C7orf78: variants seen among roughly 807,000 people sequenced by gnomAD.
C7orf78 encodes chromosome 7 open reading frame 78, also known as putative uncharacterized protein C7orf78.
At chr7:12,537,840 T>C in the C7orf78 span, among the ~76,000 whole-genome samples, 7 of 152,146 alleles carry the variant, frequency 4.6e-5, no homozygotes, top group African/African-American at 1.7e-4. Context: ...ATGCAAGCAA[T>C]AGGGATGAGT....
At chr7:12,501,560 C>T in the C7orf78 span, among the ~76,000 whole-genome samples, 506 of 141,340 alleles carry the variant, frequency 3.6e-3, 20 homozygotes, top group East Asian at 0.08. Context: ...AACTACAAAC[C>T]ACTGCTCAAG....
the C7orf78 span, among the ~76,000 whole-genome samples, chr7:12,494,149 G>T: frequency 2.6e-4 from 40 of 152,272 alleles, no homozygotes; most frequent in Non-Finnish European, 2.5e-4. Context: ...CTTAGGGTGG[G>T]AGTGGAGGAA....
the C7orf78 span, among the ~76,000 whole-genome samples, chr7:12,503,652 ACAG>A: frequency 3.9e-5 from 6 of 152,132 alleles, no homozygotes; most frequent in South Asian, 4.1e-4. Context: ...GTACATGTGC[ACAG>A]CGTGCAGGTT....
At chr7:12,492,728 T>C in the C7orf78 span, among the ~76,000 whole-genome samples, 1 of 152,224 alleles carries the variant, frequency 6.6e-6, no homozygotes. Flanking sequence ...CTAAGAATTT[T>C]GTCTGGAGTA....
chr7:12,499,574 A>G, the C7orf78 span, among the ~76,000 whole-genome samples: 10 of 149,712 alleles, frequency 6.7e-5, no homozygotes, highest in African/African-American at 1.5e-4. Flanking sequence ...ACCCAGATTC[A>G]TAAAGCAAGT....
At chr7:12,520,726 C>T in the C7orf78 span, among the ~76,000 whole-genome samples, 2 of 152,104 alleles carry the variant, frequency 1.3e-5, no homozygotes, top group Admixed American at 6.6e-5. Flanking sequence ...GTTCTGTAAA[C>T]GTCTGTTAGG....
chr7:12,505,682 A>T, the C7orf78 span, among the ~76,000 whole-genome samples: 1 of 149,920 alleles, frequency 6.7e-6, no homozygotes, highest in Admixed American at 6.7e-5. Flanking sequence ...AATATTACTA[A>T]TTTATTTTTT....
the C7orf78 span, among the ~76,000 whole-genome samples, chr7:12,520,141 A>C: frequency 0.029 from 4,382 of 152,338 alleles, 199 homozygotes; most frequent in African/African-American, 0.1. Context: ...CTATGGGCTC[A>C]CAGCCAATCT....
the C7orf78 span, among the ~76,000 whole-genome samples, chr7:12,497,705 G>A: frequency 3.3e-5 from 5 of 152,042 alleles, no homozygotes; most frequent in African/African-American, 1.2e-4. Flanking sequence ...AAAGCAGCTG[G>A]GAAGCTCGAA....
At chr7:12,487,930 T>C in the C7orf78 span, among the ~76,000 whole-genome samples, 2 of 152,032 alleles carry the variant, frequency 1.3e-5, no homozygotes, top group African/African-American at 4.8e-5. Context: ...ATATCAATAT[T>C]TAAAGTATAT....
At chr7:12,519,869 C>G in the C7orf78 span, among the ~76,000 whole-genome samples, 1 of 152,176 alleles carries the variant, frequency 6.6e-6, no homozygotes. Context: ...CTGTTGTTCC[C>G]AGAGCAGGAT....
At chr7:12,511,438 C>G in the C7orf78 span, among the ~76,000 whole-genome samples, 1 of 152,024 alleles carries the variant, frequency 6.6e-6, no homozygotes, top group Non-Finnish European at 1.5e-5. Context: ...GATAGGGATT[C>G]CATTGACTTT....
the C7orf78 span, among the ~76,000 whole-genome samples, chr7:12,538,033 C>T: frequency 6.6e-6 from 1 of 152,136 alleles, no homozygotes; most frequent in African/African-American, 2.4e-5. Context: ...AGTACAATAA[C>T]CTTCTGGGTC....
At chr7:12,500,346 G>A in the C7orf78 span, among the ~76,000 whole-genome samples, 3 of 150,848 alleles carry the variant, frequency 2.0e-5, no homozygotes, top group South Asian at 2.1e-4. Flanking sequence ...GACTAGTAAA[G>A]AAAAAAAGAG....
the C7orf78 span, among the ~76,000 whole-genome samples, chr7:12,508,129 A>G: frequency 2.6e-5 from 4 of 152,238 alleles, no homozygotes; most frequent in African/African-American, 9.6e-5. Flanking sequence ...GAGAATTCTA[A>G]GTATAAAACT....
the C7orf78 span, among the ~76,000 whole-genome samples, chr7:12,497,624 G>A: frequency 2.0e-5 from 3 of 152,152 alleles, no homozygotes; most frequent in African/African-American, 7.2e-5. Context: ...AGCAGTCTGA[G>A]ATCAAACTGC....
chr7:12,522,971 A>G, the C7orf78 span: 2 of 398,180 alleles, frequency 5.0e-6, no homozygotes, highest in Non-Finnish European at 8.9e-6. Context: ...TGTGTTGCAG[A>G]TTCCTCCATG....
chr7:12,541,665 GAAGAAAAAGAAAAGAA>G, the C7orf78 span: 4 of 150,738 alleles, frequency 2.7e-5, no homozygotes, highest in African/African-American at 2.4e-5. Context: ...AAAAAAAAAA[GAAGAAAAAGAAAAGAA>G]AAGAAAAAGA....
chr7:12,511,618 T>G, the C7orf78 span, among the ~76,000 whole-genome samples: 8 of 152,358 alleles, frequency 5.3e-5, no homozygotes, highest in Admixed American at 3.3e-4. Context: ...AGGTATTTCT[T>G]TGTAGCTATA....
Sources: allele counts gnomAD v4.1 joint callset (sites outside exome capture counted in the v4.1 genomes callset), GRCh38; gene constraint gnomAD v4.1.1; transcripts MANE v1.5; gene names NCBI Gene and HGNC (gene_info 2026-07-23, HGNC 2026-07-21).